Variants in KIF24 observed in about 807,000 individuals in gnomAD.
The protein encoded by KIF24 is kinesin-like protein KIF24.
Under a neutral mutation model 118.9 loss-of-function variants are expected in KIF24, and 81 were observed. The ratio of observed to expected loss-of-function variants is 0.68; its 90% CI spans 0.57 to 0.82. The LOEUF is 0.82. KIF24 is among the 40% of genes least tolerant of loss of function. The probability of loss-of-function intolerance (pLI) is 0.00; values close to 1 mark genes in which losing one functional copy is unlikely to be tolerated. For synonymous variants in KIF24, 599 were observed against 610.0 expected (o/e 0.98, Z 0.27); for missense variants, 1,560 against 1,661.6 (o/e 0.94, Z 1.06).
intron 3 of KIF24, among the ~76,000 whole-genome samples, chr9:34,299,488 T>A (rs991099927): frequency 2.0e-5 from 3 of 151,680 alleles, no homozygotes; most frequent in Non-Finnish European, 4.4e-5. Flanking sequence ...TGATATATAT[T>A]CTAATATATT....
chr9:34,325,023 G>A (rs1225818203), intron 1 of KIF24, among the ~76,000 whole-genome samples: 1 of 152,088 alleles, frequency 6.6e-6, no homozygotes, highest in Non-Finnish European at 1.5e-5. Context: ...CCCTAATAGA[G>A]TATAATTTCT....
chr9:34,280,200 C>T (rs1012541496), intron 6 of KIF24, among the ~76,000 whole-genome samples: 2 of 137,102 alleles, frequency 1.5e-5, no homozygotes, highest in Non-Finnish European at 3.0e-5. Context: ...AGGAGAATGG[C>T]GTGAACCCGG....
intron 9 of KIF24, among the ~76,000 whole-genome samples, chr9:34,261,587 T>A (rs937102103): frequency 2.6e-5 from 4 of 152,260 alleles, no homozygotes. Flanking sequence ...TCTTTTAACA[T>A]GAAAAGTTGC....
At chr9:34,311,915 C>T (rs1023012345) in intron 1 of KIF24, among the ~76,000 whole-genome samples, 5 of 151,916 alleles carry the variant, frequency 3.3e-5, no homozygotes, top group African/African-American at 1.2e-4. Flanking sequence ...CTATTGAAAC[C>T]TTGTTCCCAA....
intron 3 of KIF24, 46 bp downstream of exon 3, chr9:34,306,206 C>T: frequency 7.9e-7 from 1 of 1,269,180 alleles, no homozygotes; most frequent in Non-Finnish European, 1.1e-6. Flanking sequence ...AAAAAAATGA[C>T]ATACTTGATA....
chr9:34,294,592 C>T lies in KIF24; in HGVS notation c.911+2425G>A, dbSNP rs561736498. On this transcript the variant is annotated intron_variant, in intron 4 of 12. Transcript: ENST00000402558. ...ATACTTTATTCATAAAGTCCAAAGC[C>T]GGAAACAATGCAAATATCTGTCAAC... is the stretch of plus-strand genomic sequence containing the variant. Among the ~76,000 whole-genome samples, 56 of 152,078 alleles carry T rather than the reference C, an allele frequency of 3.7e-4. No homozygotes were observed. The South Asian group carries it at 8.7e-3, about 24-fold the overall frequency.
In KIF24 at chr9:34,290,238, C is replaced by T. The variant is rs779257894; in HGVS notation, c.1063G>A (p.Val355Met). 2.5e-6 allele frequency: 4 copies of T among 1,613,916 alleles called. No individual in the cohort carries two copies. In the South Asian group the frequency reaches 3.3e-5, roughly 13 times the overall value. The change falls in exon 5 of 13, where the codon GTG becomes ATG. Residue 355 changes from valine to methionine, a missense_variant. Val to Met is a conservative substitution (Grantham distance 21). Transcript: ENST00000402558. ...EVSQPRKHLFVWISFYEIYCG... is the reference protein window; with the variant it reads ...EVSQPRKHLFMWISFYEIYCG... Reference sequence around the variant, plus strand: ...TAAATTTCATAGAAGCTGATCCACACAAAGAGGTGCTTTCTTGGCTGGGAC... The same window carrying T: ...TAAATTTCATAGAAGCTGATCCACATAAAGAGGTGCTTTCTTGGCTGGGAC...
rs201144478 is a variant in KIF24 at position 34,267,174 on chromosome 9, T to TA, written c.1443+2082dup. On this transcript the variant is annotated intron_variant, in intron 8 of 12. Transcript: ENST00000402558. ...CATTCTGGAACTCTTAATAAAATAA[T>TA]AGATATAGATGAGATTCTTCAATGG... Among the ~76,000 whole-genome samples the TA allele has an allele frequency of 1.1e-4, 17 of 152,178 alleles. No individual in the cohort carries two copies. The East Asian group carries it at 3.3e-3, about 29-fold the overall frequency.
At chr9:34,300,010 C>A (rs1353960927) in intron 3 of KIF24, among the ~76,000 whole-genome samples, 1 of 152,074 alleles carries the variant, frequency 6.6e-6, no homozygotes, top group African/African-American at 2.4e-5. Flanking sequence ...ATTTTATGGA[C>A]AGATCCAGAA....
At chr9:34,274,998 G>T (rs188667314) in intron 6 of KIF24, among the ~76,000 whole-genome samples, 1 of 152,268 alleles carries the variant, frequency 6.6e-6, no homozygotes, top group African/African-American at 2.4e-5. Flanking sequence ...ACAGAGGCTG[G>T]GAAGGGTAGT....
intron 6 of KIF24, among the ~76,000 whole-genome samples, chr9:34,283,353 T>G (rs192803058): frequency 1.3e-5 from 2 of 151,788 alleles, no homozygotes; most frequent in Non-Finnish European, 2.9e-5. Flanking sequence ...GCCTGGGCAA[T>G]AGGAGTGAGA....
intron 8 of KIF24, among the ~76,000 whole-genome samples, chr9:34,264,647 T>G (rs892666113): frequency 1.3e-5 from 2 of 152,152 alleles, no homozygotes; most frequent in African/African-American, 4.8e-5. Context: ...TCCCCAACTT[T>G]AGCACTGAGA....
chr9:34,280,240 C>T (rs550087312), intron 6 of KIF24, among the ~76,000 whole-genome samples: 4 of 138,746 alleles, frequency 2.9e-5, no homozygotes, highest in African/African-American at 1.1e-4. Flanking sequence ...GCCAAGATCC[C>T]GCCACTGCAC....
rs1226313573 is a variant in KIF24 at position 34,311,000 on chromosome 9, A to T, written c.347T>A (p.Phe116Tyr). ...GAAATCTGATAAACTGCACATTTCA[A>T]ACCCATCATTGCTGGCATTTCTGTC... is the stretch of plus-strand genomic sequence containing the variant. ...NKDRNASNDG[F>Y]EMCSLSDFSA... The change falls in exon 2 of 13, where the codon TTT (phenylalanine) becomes TAT (tyrosine). Residue 116 changes from phenylalanine to tyrosine, a missense_variant. Physicochemically the swap from Phe to Tyr is conservative, Grantham distance 22. This residue lies in a region of KIF24 where 964 missense variants were observed against 988.0 expected (regional missense o/e 0.98). Transcript: ENST00000402558. 1 of 1,614,034 alleles carries T rather than the reference A, an allele frequency of 6.2e-7. No homozygotes were observed. Among genetic ancestry groups the T allele is most frequent in the Non-Finnish European group, 8.5e-7 (1 of 1,179,892 alleles).
rs34607399 is a variant in KIF24 at position 34,296,731 on chromosome 9, C to CT, written c.911+285dup. 1.8e-3 allele frequency among the ~76,000 whole-genome samples: 264 copies of CT among 150,184 alleles called. 2 individuals carry two copies. Among genetic ancestry groups the CT allele is most frequent in the South Asian group, 8.4e-3 (40 of 4,766 alleles). ...TAATATTGTTAAAAGCTTAATTTTT[C>CT]TTTTTTTTTTAACACCCTTTCACTA... On this transcript the variant is annotated intron_variant, in intron 4 of 12. Coordinates refer to ENST00000402558, the MANE Select transcript of KIF24 (RefSeq NM_194313.4).
chr9:34,267,811 G>T (rs1217420160), intron 8 of KIF24, among the ~76,000 whole-genome samples: 1 of 152,138 alleles, frequency 6.6e-6, no homozygotes, highest in African/African-American at 2.4e-5. Flanking sequence ...CTGCCATAGT[G>T]AACAACACGG....
intron 3 of KIF24, among the ~76,000 whole-genome samples, chr9:34,298,879 G>A (rs1037235946): frequency 2.0e-5 from 3 of 152,052 alleles, no homozygotes; most frequent in Admixed American, 1.3e-4. Context: ...GCTGGGGAGA[G>A]AAAGGGGTCC....
At position 34,257,194 on chromosome 9, in the gene KIF24, G is replaced by C. The variant is rs774105577; in HGVS notation, c.2413C>G (p.Pro805Ala). 6.2e-7 allele frequency: 1 copy of C among 1,614,040 alleles called. No homozygotes were observed. ...PPEGQLTNET[P>A]PLFHSYSENH... ...TCAGAGTAAGAGTGGAACAGAGGCGGAGTCTCATTCGTGAGCTGACCCTCT... is the reference window on the plus strand; with the variant it reads ...TCAGAGTAAGAGTGGAACAGAGGCGCAGTCTCATTCGTGAGCTGACCCTCT... Residue 805 changes from proline to alanine, a missense_variant, in exon 11 of 13, where the codon CCG (proline) becomes GCG (alanine). Coordinates refer to ENST00000402558, the MANE Select transcript of KIF24 (RefSeq NM_194313.4).
At chr9:34,263,255 G>A (rs1042848946) in intron 8 of KIF24, 83 bp from the exon 9 acceptor site, 3 of 965,792 alleles carry the variant, frequency 3.1e-6, no homozygotes, top group Admixed American at 2.0e-5. Context: ...CAGGAAGCTT[G>A]TTTTTCTTCA....
Sources: allele counts gnomAD v4.1 joint callset (sites outside exome capture counted in the v4.1 genomes callset), GRCh38; gene constraint gnomAD v4.1.1; regional missense constraint gnomAD v4.1.1; transcripts MANE v1.5; gene names NCBI Gene and HGNC (gene_info 2026-07-23, HGNC 2026-07-21).